The following NRXN3 variants were observed in gnomAD, a reference collection of about 807,000 sequenced individuals.
NRXN3 encodes the protein neurexin 3, also known as neurexin III.
In NRXN3, 32 loss-of-function variants were observed where a neutral mutation model predicts 137.6. The ratio of observed to expected loss-of-function variants is 0.23; its 90% confidence interval spans 0.18 to 0.31. The LOEUF (loss-of-function observed/expected upper bound fraction) is 0.31. Among genes scored for constraint, NRXN3 ranks in the 10% least tolerant of loss-of-function variants. The pLI is 1.00. For missense variants in NRXN3, 1,574 were observed against 2,062.5 expected, an observed-to-expected ratio of 0.76 and a Z score of 4.59; for synonymous variants, 798 against 784.5, an observed-to-expected ratio of 1.02 and a Z score of -0.29.
chr14:79,437,865 A>C (rs969638091), intron 15 of NRXN3, among the ~76,000 whole-genome samples: 2 of 152,242 alleles, frequency 1.3e-5, no homozygotes, highest in Admixed American at 6.5e-5. Flanking sequence ...CTCAAATGTA[A>C]AATGAGTTTT....
At chr14:78,879,127 G>A (rs973264713) in intron 10 of NRXN3, among the ~76,000 whole-genome samples, 1 of 152,156 alleles carries the variant, frequency 6.6e-6, no homozygotes, top group Non-Finnish European at 1.5e-5. Flanking sequence ...CACTTAGGTT[G>A]ATTCCGTATG....
chr14:79,651,422 G>A (rs1007146032), intron 16 of NRXN3, among the ~76,000 whole-genome samples: 1 of 152,160 alleles, frequency 6.6e-6, no homozygotes, highest in African/African-American at 2.4e-5. Flanking sequence ...GAATGCAAAG[G>A]TGCTTTCACC....
chr14:78,995,401 C>T (rs545328057), intron 15 of NRXN3, among the ~76,000 whole-genome samples: 1 of 152,264 alleles, frequency 6.6e-6, no homozygotes, highest in African/African-American at 2.4e-5. Flanking sequence ...TGTCATACAG[C>T]ACGGTGGACG....
chr14:79,770,053 C>T (rs1399144192), intron 19 of NRXN3, among the ~76,000 whole-genome samples: 1 of 151,840 alleles, frequency 6.6e-6, no homozygotes, highest in Non-Finnish European at 1.5e-5. Context: ...GTAAAGGGAT[C>T]AATTCAACAA....
intron 10 of NRXN3, among the ~76,000 whole-genome samples, chr14:78,864,741 G>C (rs2099082157): frequency 6.6e-6 from 1 of 152,124 alleles, no homozygotes; most frequent in South Asian, 2.1e-4. Flanking sequence ...TTAGACTTTG[G>C]TTTCATAAAG....
At chr14:79,837,714 G>A (rs577134382) in intron 20 of NRXN3, among the ~76,000 whole-genome samples, 21 of 152,198 alleles carry the variant, frequency 1.4e-4, no homozygotes, top group Admixed American at 7.9e-4. Flanking sequence ...CTTCCACACA[G>A]TTAAGTTCTT....
chr14:78,381,607 C>A (rs1209248722), intron 4 of NRXN3, among the ~76,000 whole-genome samples: 1 of 152,074 alleles, frequency 6.6e-6, no homozygotes, highest in South Asian at 2.1e-4. Flanking sequence ...ATTACAAAAT[C>A]GTGTACACAA....
chr14:78,236,242 C>T (rs2066284684), intron 1 of NRXN3, among the ~76,000 whole-genome samples: 1 of 152,192 alleles, frequency 6.6e-6, no homozygotes, highest in Non-Finnish European at 1.5e-5. Context: ...AGGATTCCTT[C>T]ACCCCTTTGC....
chr14:78,918,948 T>C (rs572321667), intron 10 of NRXN3, among the ~76,000 whole-genome samples: 1 of 152,298 alleles, frequency 6.6e-6, no homozygotes, highest in African/African-American at 2.4e-5. Context: ...TATTTCCTCA[T>C]CGTTACGTGA....
chr14:78,621,652 G>A (rs902603568), intron 4 of NRXN3, among the ~76,000 whole-genome samples: 1 of 152,072 alleles, frequency 6.6e-6, no homozygotes, highest in Non-Finnish European at 1.5e-5. Context: ...CAATTAGGAG[G>A]CATTAGTGTA....
chr14:79,220,979 CA>C (rs1421443047), intron 15 of NRXN3, among the ~76,000 whole-genome samples: 2 of 152,022 alleles, frequency 1.3e-5, no homozygotes, highest in African/African-American at 4.8e-5. Flanking sequence ...GTTCACCTCC[CA>C]CTTACAAGTG....
At chr14:78,789,401 G>A (rs938911248) in intron 8 of NRXN3, among the ~76,000 whole-genome samples, 2 of 152,046 alleles carry the variant, frequency 1.3e-5, no homozygotes, top group Non-Finnish European at 2.9e-5. Flanking sequence ...CGGTTGTCAC[G>A]ACCAAAGGGA....
chr14:78,818,480 TA>T (rs1446577138), intron 10 of NRXN3, among the ~76,000 whole-genome samples: 1 of 152,118 alleles, frequency 6.6e-6, no homozygotes, highest in African/African-American at 2.4e-5. Context: ...GGAAGAAAAT[TA>T]ACCAAGGAGT....
chr14:78,759,341 C>G (rs545331097), intron 8 of NRXN3, among the ~76,000 whole-genome samples: 1 of 152,168 alleles, frequency 6.6e-6, no homozygotes, highest in Non-Finnish European at 1.5e-5. Context: ...GCATTATATA[C>G]GATATCTCTT....
chr14:78,796,533 A>G (rs1285275395), intron 8 of NRXN3, among the ~76,000 whole-genome samples: 2 of 152,190 alleles, frequency 1.3e-5, no homozygotes, highest in African/African-American at 2.4e-5. Flanking sequence ...CAGCTCTATG[A>G]TACCAGCAGC....
intron 8 of NRXN3, among the ~76,000 whole-genome samples, chr14:78,717,527 T>A (rs2098439659): frequency 6.6e-6 from 1 of 152,192 alleles, no homozygotes; most frequent in Non-Finnish European, 1.5e-5. Context: ...CCTGACACCA[T>A]GTTCAGAATG....
At chr14:79,279,274 GC>G (rs2080848283) in intron 15 of NRXN3, 1 of 892,032 alleles carries the variant, frequency 1.1e-6, no homozygotes. Flanking sequence ...TTCCTCCGGA[GC>G]CAGCCAGTCC....
intron 20 of NRXN3, among the ~76,000 whole-genome samples, chr14:79,852,234 AACACACACACACACACACACACAC>A (rs45581833): frequency 2.3e-5 from 3 of 128,184 alleles, no homozygotes; most frequent in South Asian, 5.6e-4. Context: ...TTCAACTCCC[AACACACACACACACACACACACAC>A]ACACACACAC....
chr14:78,775,869 A>G (rs187177184), intron 8 of NRXN3, among the ~76,000 whole-genome samples: 26 of 152,358 alleles, frequency 1.7e-4, no homozygotes, highest in Admixed American at 1.3e-3. Flanking sequence ...TAAATGGAAC[A>G]TTCCAGAAAT....
Sources: allele counts gnomAD v4.1 joint callset (sites outside exome capture counted in the v4.1 genomes callset), GRCh38; gene constraint gnomAD v4.1.1; transcripts MANE v1.5; gene names NCBI Gene and HGNC (gene_info 2026-07-23, HGNC 2026-07-21).